The following PDE3B variants were observed in gnomAD, a reference collection of about 807,000 sequenced individuals.
PDE3B encodes the protein phosphodiesterase 3B.
A neutral mutation model predicts 116.8 loss-of-function variants in PDE3B; 66 were observed. That is an observed-to-expected ratio of 0.56 (90% confidence interval 0.46 to 0.69). PDE3B has a LOEUF of 0.69. Among genes scored for constraint, PDE3B ranks in the 30% least tolerant of loss-of-function variants. The pLI is 0.00. For synonymous variants in PDE3B, 595 were observed against 533.6 expected, an observed-to-expected ratio of 1.12 and a Z score of -1.59; for missense variants, 1,384 against 1,368.1, an observed-to-expected ratio of 1.01 and a Z score of -0.18.
At chr11:14,793,086 A>G (rs571464450) in intron 4 of PDE3B, among the ~76,000 whole-genome samples, 58 of 152,302 alleles carry the variant, frequency 3.8e-4, no homozygotes, top group Non-Finnish European at 7.3e-4. Context: ...ATATGAGATT[A>G]TGACCCTTAA....
intron 12 of PDE3B, among the ~76,000 whole-genome samples, chr11:14,850,985 T>TA: frequency 6.7e-6 from 1 of 149,334 alleles, no homozygotes. Flanking sequence ...CCAGCTATTT[T>TA]TTTTTTTTTT....
rs866978838 is a variant in PDE3B, at chr11:14,758,703, G to A, written c.979-13234G>A. On this transcript the variant is annotated intron_variant, in intron 1 of 15. Coordinates refer to ENST00000282096, the MANE Select transcript of PDE3B (RefSeq NM_000922.4). ...TGCTTATCAGCTTAAGGAGATTTTG[G>A]GCTGAGACGATGGGGTTTTCTAGAT... Among the ~76,000 whole-genome samples the A allele has an allele frequency of 1.3e-4, 19 of 150,570 alleles. 1 individual carries two copies. In the South Asian group the frequency reaches 3.1e-3, roughly 25 times the overall value.
chr11:14,762,832 G>C (rs1311104941), intron 1 of PDE3B, among the ~76,000 whole-genome samples: 2 of 152,216 alleles, frequency 1.3e-5, no homozygotes, highest in Admixed American at 1.3e-4. Flanking sequence ...AAAGAGGGGA[G>C]TTATATTTTT....
chr11:14,827,334 G>A (rs992730310), intron 7 of PDE3B, among the ~76,000 whole-genome samples: 1 of 152,110 alleles, frequency 6.6e-6, no homozygotes, highest in Non-Finnish European at 1.5e-5. Flanking sequence ...TCAGGAAAGA[G>A]AAAGAAATAA....
intron 2 of PDE3B, chr11:14,776,594 C>A (rs913881333): frequency 1.3e-5 from 2 of 151,732 alleles, no homozygotes; most frequent in African/African-American, 4.8e-5. Flanking sequence ...TGTAACTAAC[C>A]TGCACAATGT....
chr11:14,895,205 A>T, the PDE3B span, among the ~76,000 whole-genome samples: 1 of 152,352 alleles, frequency 6.6e-6, no homozygotes, highest in South Asian at 2.1e-4. Flanking sequence ...AGAGTGATGC[A>T]ATCAGCGCAA....
chr11:14,882,384 C>G, the PDE3B span, among the ~76,000 whole-genome samples: 2 of 152,026 alleles, frequency 1.3e-5, no homozygotes, highest in Admixed American at 1.3e-4. Context: ...AAGCAAATAC[C>G]TGAGGAAAGA....
the PDE3B span, chr11:14,879,053 G>T: frequency 7.6e-7 from 1 of 1,307,464 alleles, no homozygotes; most frequent in South Asian, 1.2e-5. Context: ...TTAAGATGCT[G>T]TATCTAATGA....
chr11:14,844,084 T>G, intron 12 of PDE3B, 58 bp downstream of exon 12: 4 of 1,241,956 alleles, frequency 3.2e-6, no homozygotes, highest in Non-Finnish European at 3.5e-6. Context: ...AGTCATGCTG[T>G]GTATCCCTTT....
intron 12 of PDE3B, among the ~76,000 whole-genome samples, chr11:14,854,549 C>T (rs1847814032): frequency 6.6e-6 from 1 of 150,400 alleles, no homozygotes; most frequent in Admixed American, 6.6e-5. Flanking sequence ...GACAGGGTCT[C>T]ACTCTGTTGC....
At chr11:14,882,715 T>G in the PDE3B span, among the ~76,000 whole-genome samples, 1 of 152,200 alleles carries the variant, frequency 6.6e-6, no homozygotes. Flanking sequence ...ATAAAGGGTA[T>G]TCAATTAGGA....
In PDE3B at chr11:14,679,180, CT is replaced by C. The variant is rs994786902; in HGVS notation, c.978+34137del. Among the ~76,000 whole-genome samples the C allele has an allele frequency of 1.2e-3, 171 of 148,694 alleles. 1 individual carries two copies. The highest frequency in any genetic ancestry group is 3.7e-3 in the African/African-American group (151 of 40,528). ...AATTGTGTAGTGTGAATCTTCTTAT[CT>C]TTTTTTTTTCAATATTGTTTGACCT... On this transcript the variant is annotated intron_variant, in intron 1 of 15. Coordinates refer to ENST00000282096, the MANE Select transcript of PDE3B (RefSeq NM_000922.4).
intron 2 of PDE3B, among the ~76,000 whole-genome samples, chr11:14,783,429 A>G (rs968609690): frequency 6.6e-6 from 1 of 152,256 alleles, no homozygotes; most frequent in African/African-American, 2.4e-5. Flanking sequence ...CTATGCAGCC[A>G]TAAAAATGGA....
chr11:14,719,089 T>A (rs1856017436), intron 1 of PDE3B, among the ~76,000 whole-genome samples: 1 of 65,762 alleles, frequency 1.5e-5, no homozygotes, highest in African/African-American at 6.5e-5. Flanking sequence ...ATAAAGGGGA[T>A]ATCACCACCG....
At chr11:14,712,417 A>C (rs566145028) in intron 1 of PDE3B, among the ~76,000 whole-genome samples, 1 of 146,410 alleles carries the variant, frequency 6.8e-6, no homozygotes, top group East Asian at 2.0e-4. Context: ...TTAAATATTT[A>C]CATTTTACCT....
intron 4 of PDE3B, among the ~76,000 whole-genome samples, chr11:14,801,260 G>A (rs529155603): frequency 1.6e-4 from 24 of 152,148 alleles, no homozygotes; most frequent in Non-Finnish European, 2.8e-4. Flanking sequence ...CAGCCTTTTT[G>A]TGCTGGTTTC....
Position 14,673,825 on chromosome 11 carries a change from C to T in PDE3B, c.978+28772C>T, listed in dbSNP as rs971244170. Reference sequence around the variant, plus strand: ...GCCTTGGGGTGATCTGCAAGAATTTCGGCATACTGTGGTCTCTCAAATTTG... The same window carrying T: ...GCCTTGGGGTGATCTGCAAGAATTTTGGCATACTGTGGTCTCTCAAATTTG... On this transcript the variant is annotated intron_variant, in intron 1 of 15. Transcript: ENST00000282096. 5.9e-5 allele frequency: 59 copies of T among 1,006,826 alleles called. 1 individual carries two copies. The highest frequency in any genetic ancestry group is 4.3e-4 in the East Asian group (18 of 42,082). 62.4% of individuals were successfully genotyped at this position (1,006,826 alleles called of 1,614,324 possible). A position where few individuals can be genotyped will look rare whatever the true frequency, so the allele number is the denominator to read the frequency against.
At chr11:14,691,774 C>T (rs540151248) in intron 1 of PDE3B, among the ~76,000 whole-genome samples, 63 of 152,016 alleles carry the variant, frequency 4.1e-4, no homozygotes, top group Middle Eastern at 3.4e-3. Flanking sequence ...GAGAGTAAGG[C>T]GACAGAGAGT....
chr11:14,649,619 A>G (rs1179399946), intron 1 of PDE3B, among the ~76,000 whole-genome samples: 1 of 152,230 alleles, frequency 6.6e-6, no homozygotes, highest in Non-Finnish European at 1.5e-5. Flanking sequence ...GGAGGTAGGC[A>G]AGAAGTGAGA....
Sources: allele counts gnomAD v4.1 joint callset (sites outside exome capture counted in the v4.1 genomes callset), GRCh38; gene constraint gnomAD v4.1.1; transcripts MANE v1.5; gene names NCBI Gene and HGNC (gene_info 2026-07-23, HGNC 2026-07-21).